Variants in FA2H observed in about 807,000 individuals in gnomAD.
FA2H encodes the protein fatty acid 2-hydroxylase.
FA2H carries 22 observed loss-of-function variants against 44.9 expected under a neutral mutation model. The observed-to-expected ratio is 0.49, with a 90% CI of 0.35 to 0.70. The LOEUF (loss-of-function observed/expected upper bound fraction) is 0.70, where lower values mean the gene tolerates loss of function less well. Among genes scored for constraint, FA2H ranks in the 30% least tolerant of loss-of-function variants. The probability of loss-of-function intolerance (pLI) is 0.01; values close to 1 mark genes in which losing one functional copy is unlikely to be tolerated. For missense variants in FA2H, 501 were observed against 504.9 expected, an observed-to-expected ratio of 0.99 and a Z score of 0.07; for synonymous variants, 243 against 213.2, an observed-to-expected ratio of 1.14 and a Z score of -1.22.
chr16:74,774,428 G>C, intron 1 of FA2H, 58 bp downstream of exon 1: 1 of 1,447,026 alleles, frequency 6.9e-7, no homozygotes, highest in Non-Finnish European at 9.1e-7. Context: ...GGGCTCGCCC[G>C]GGAGTGGAAG....
intron 1 of FA2H, among the ~76,000 whole-genome samples, chr16:74,763,311 G>A (rs554269681): frequency 1.3e-5 from 2 of 152,186 alleles, no homozygotes; most frequent in Admixed American, 1.3e-4. Flanking sequence ...AGGCTGGAGT[G>A]CAGTGGCGTG....
intron 5 of FA2H, 196 bp from the exon 6 acceptor site, chr16:74,716,795 T>A (rs1961714800): frequency 1.7e-6 from 1 of 576,012 alleles, no homozygotes; most frequent in Non-Finnish European, 3.0e-6. Context: ...ACTTCCCATT[T>A]GTGAGCCAGG....
intron 6 of FA2H, among the ~76,000 whole-genome samples, chr16:74,715,044 G>A (rs1371246167): frequency 6.6e-6 from 1 of 151,882 alleles, no homozygotes; most frequent in African/African-American, 2.4e-5. Context: ...CAACATGTTG[G>A]CCAGGCTGGT....
intron 5 of FA2H, 113 bp from the exon 6 acceptor site, chr16:74,716,712 C>G (rs1024891051): frequency 3.9e-6 from 5 of 1,275,298 alleles, no homozygotes; most frequent in Non-Finnish European, 5.3e-6. Context: ...CATTCCACTG[C>G]GTAGGCTTGG....
intron 4 of FA2H, among the ~76,000 whole-genome samples, chr16:74,723,586 A>G (rs1308524300): frequency 1.3e-5 from 2 of 152,090 alleles, no homozygotes; most frequent in Non-Finnish European, 2.9e-5. Flanking sequence ...TGACATCCAC[A>G]TATTACCAAA....
At position 74,713,934 on chromosome 16, in the gene FA2H, C is replaced by A. The variant is rs919427801; in HGVS notation, c.*256G>T. On this transcript the variant is annotated 3_prime_UTR_variant, in exon 7 of 7. Coordinates refer to ENST00000219368, the MANE Select transcript of FA2H (RefSeq NM_024306.5). Reference sequence around the variant, plus strand: ...GCCTGAAGCAGTCCTGTGGGCTGAGCTCTAGGCAGGGACGCTCCAGGAAGA... The same window carrying A: ...GCCTGAAGCAGTCCTGTGGGCTGAGATCTAGGCAGGGACGCTCCAGGAAGA... The A allele has an allele frequency of 9.4e-6, 5 of 529,856 alleles. No homozygotes were observed. In the African/African-American group the frequency reaches 9.5e-5, roughly 10 times the overall value. The allele number at this position is 529,856 out of a possible 1,614,324, so 32.8% of individuals were successfully genotyped here.
At chr16:74,761,577 G>T in intron 1 of FA2H, among the ~76,000 whole-genome samples, 1 of 152,162 alleles carries the variant, frequency 6.6e-6, no homozygotes, top group East Asian at 1.9e-4. Context: ...CTGCGTTCCT[G>T]AAGATTCAAG....
chr16:74,756,922 T>A (rs1313572512), intron 1 of FA2H, among the ~76,000 whole-genome samples: 1 of 151,490 alleles, frequency 6.6e-6, no homozygotes, highest in Admixed American at 6.6e-5. Context: ...AAGCATACAA[T>A]TATTAGTAGG....
chr16:74,726,144 A>T, intron 4 of FA2H, 81 bp downstream of exon 4: 1 of 949,900 alleles, frequency 1.1e-6, no homozygotes, highest in Non-Finnish European at 1.7e-6. Flanking sequence ...CTGTGCTCTC[A>T]GAAACTCTGG....
intron 1 of FA2H, among the ~76,000 whole-genome samples, chr16:74,762,990 A>G (rs959571320): frequency 1.3e-5 from 2 of 152,200 alleles, no homozygotes; most frequent in African/African-American, 2.4e-5. Context: ...GAAAGCAACC[A>G]TGAAACCAAG....
chr16:74,763,786 C>G lies in FA2H; in HGVS notation c.270+10700G>C, dbSNP rs147198781. ...AGTTTATTGCAGGTTGCATGGTTCA[C>G]TCTAAGTATATAATGACATACTTTC... On this transcript the variant is annotated intron_variant, in intron 1 of 6. Coordinates refer to ENST00000219368, the MANE Select transcript of FA2H (RefSeq NM_024306.5). 6.7e-3 allele frequency among the ~76,000 whole-genome samples: 1,024 copies of G among 152,320 alleles called. 10 individuals are homozygous for G. The highest frequency in any genetic ancestry group is 0.024 in the African/African-American group (978 of 41,562).
chr16:74,726,247 T>A lies in FA2H; in HGVS notation c.591A>T (p.Arg197=), dbSNP rs1240046399. Residue 197 remains arginine, a synonymous_variant, in exon 4 of 7, where the codon CGA becomes CGT. Transcript: ENST00000219368. The part of the protein sequence containing the change: ...YYRTFAQGNV[R]LFTSFTTEYT... ...TACCTGTTGTAAATGACGTGAAGAG[T>A]CGGACGTTGCCCTGGGCAAAGGTTC... 4 of 1,613,504 alleles carry A rather than the reference T, an allele frequency of 2.5e-6. No individual in the cohort carries two copies. The highest frequency in any genetic ancestry group is 3.4e-6 in the Non-Finnish European group (4 of 1,179,658).
At chr16:74,762,551 G>A (rs1363956843) in intron 1 of FA2H, among the ~76,000 whole-genome samples, 1 of 151,902 alleles carries the variant, frequency 6.6e-6, no homozygotes, top group Admixed American at 6.5e-5. Context: ...TTTTTTTCAA[G>A]ATGGAGTCTC....
At chr16:74,741,808 A>ATATATATATGTGTGTGTGTG (rs1491185782) in intron 1 of FA2H, among the ~76,000 whole-genome samples, 7 of 48,414 alleles carry the variant, frequency 1.4e-4, no homozygotes, top group African/African-American at 6.5e-4. Flanking sequence ...ATATATATAT[A>ATATATATATGTGTGTGTGTG]TGTGTGTGTG....
chr16:74,718,586 G>A (rs1277491589), intron 5 of FA2H, among the ~76,000 whole-genome samples: 1 of 152,206 alleles, frequency 6.6e-6, no homozygotes, highest in African/African-American at 2.4e-5. Context: ...GTGGAACGGG[G>A]AGAACCATGG....
At chr16:74,760,959 C>G (rs1022854779) in intron 1 of FA2H, among the ~76,000 whole-genome samples, 1 of 151,366 alleles carries the variant, frequency 6.6e-6, no homozygotes, top group East Asian at 2.0e-4. Flanking sequence ...ATCTATGGGG[C>G]GGGGTGGGAG....
intron 1 of FA2H, among the ~76,000 whole-genome samples, chr16:74,770,436 G>A (rs752623371): frequency 8.5e-5 from 13 of 152,210 alleles, no homozygotes; most frequent in Non-Finnish European, 1.6e-4. Context: ...GGAGAGTACA[G>A]TGGTGTGATC....
At chr16:74,717,675 G>T (rs1961737399) in intron 5 of FA2H, among the ~76,000 whole-genome samples, 1 of 152,214 alleles carries the variant, frequency 6.6e-6, no homozygotes, top group Non-Finnish European at 1.5e-5. Flanking sequence ...CCTGATTGGA[G>T]CCCACGTGGC....
intron 2 of FA2H, among the ~76,000 whole-genome samples, chr16:74,738,631 G>A (rs897842368): frequency 5.9e-5 from 9 of 152,180 alleles, no homozygotes; most frequent in African/African-American, 2.2e-4. Context: ...TCTCTCTGCA[G>A]CTCCTTCCAG....
Sources: gnomAD v4.1 joint callset for allele counts (sites outside exome capture counted in the v4.1 genomes callset) on GRCh38, gnomAD v4.1.1 for gene constraint, MANE v1.5 for transcripts, NCBI Gene and HGNC (gene_info 2026-07-23, HGNC 2026-07-21) for gene names.